Variants in GRIK1 observed in about 807,000 individuals in gnomAD.
GRIK1 encodes the protein glutamate receptor ionotropic, kainate 1.
A neutral mutation model predicts 105.7 loss-of-function variants in GRIK1; 69 were observed. The observed-to-expected ratio is 0.65, with a 90% CI of 0.54 to 0.80. The LOEUF (loss-of-function observed/expected upper bound fraction) is 0.80, where lower values mean the gene tolerates loss of function less well. Among genes scored for constraint, GRIK1 ranks in the 30% least tolerant of loss-of-function variants. The probability of loss-of-function intolerance (pLI) is 0.00; values close to 1 mark genes in which losing one functional copy is unlikely to be tolerated. For synonymous variants in GRIK1, 438 were observed against 431.3 expected (o/e 1.02, Z -0.19); for missense variants, 1,109 against 1,167.3 (o/e 0.95, Z 0.73).
In GRIK1 at chr21:29,589,030, C is replaced by T; in HGVS notation, c.1378G>A (p.Val460Ile). The T allele has an allele frequency of 6.3e-7, 1 of 1,580,426 alleles. No homozygotes were observed. Among genetic ancestry groups the T allele is most frequent in the Non-Finnish European group, 8.7e-7 (1 of 1,150,728 alleles). The change falls in exon 11 of 18, where the codon GTT (valine) becomes ATT (isoleucine). Residue 460 changes from valine (V) to isoleucine (I), a missense_variant. Coordinates refer to ENST00000327783, the MANE Select transcript of GRIK1 (RefSeq NM_001330994.2). The part of the protein sequence containing the change: ...IVTTILEEPY[V>I]MYRKSDKPLY... Reference sequence around the variant, plus strand: ...GGCTTATCAGATTTCCTGTACATAACATAGGGTTCTTCCTAAATGAAACAA... The same window carrying T: ...GGCTTATCAGATTTCCTGTACATAATATAGGGTTCTTCCTAAATGAAACAA...
intron 9 of GRIK1, chr21:29,596,245 T>C: frequency 1.9e-6 from 1 of 521,218 alleles, no homozygotes. Flanking sequence ...CTGCTTTCAA[T>C]CCTAACAAGG....
intron 1 of GRIK1, among the ~76,000 whole-genome samples, chr21:29,730,347 T>C (rs1016518119): frequency 1.3e-5 from 2 of 152,192 alleles, no homozygotes. Flanking sequence ...CAAAACAGGA[T>C]AAGCAGAGGA....
rs553470859 is a variant in GRIK1, at chr21:29,555,356, A to G, written c.2357-54T>C. ...CACCAAAATGTTGAAGAAGACATCC[A>G]GAAGTATTCTTAATTATCATCTTTG... On this transcript the variant is annotated intron_variant, in intron 15 of 17. Transcript: ENST00000327783. 23 of 1,493,170 alleles carry G rather than the reference A, an allele frequency of 1.5e-5. No homozygotes were observed. The South Asian group carries it at 1.8e-4, about 12-fold the overall frequency. 92.5% of individuals were successfully genotyped at this position (1,493,170 alleles called of 1,614,324 possible).
At chr21:29,757,788 AG>A (rs2065389039) in intron 1 of GRIK1, among the ~76,000 whole-genome samples, 2 of 152,206 alleles carry the variant, frequency 1.3e-5, no homozygotes, top group African/African-American at 4.8e-5. Context: ...TTGAATTTTT[AG>A]CAACATTCCT....
intron 7 of GRIK1, among the ~76,000 whole-genome samples, chr21:29,622,655 A>G (rs2062033253): frequency 6.6e-6 from 1 of 152,174 alleles, no homozygotes; most frequent in Non-Finnish European, 1.5e-5. Flanking sequence ...GCACATTTGG[A>G]TGAAAATTTA....
chr21:29,760,489 G>A (rs2065480034), intron 1 of GRIK1: 1 of 152,182 alleles, frequency 6.6e-6, no homozygotes, highest in Non-Finnish European at 1.5e-5. Context: ...GGGTAGGGAG[G>A]GAAATTGTTG....
At chr21:29,613,177 T>C (rs146421431) in intron 7 of GRIK1, among the ~76,000 whole-genome samples, 1 of 152,340 alleles carries the variant, frequency 6.6e-6, no homozygotes, top group East Asian at 1.9e-4. Context: ...CCAGTTCCCT[T>C]ATGATCTTGA....
chr21:29,595,340 G>GTTTTTTTTTTTTT (rs71191119), intron 9 of GRIK1, among the ~76,000 whole-genome samples: 2 of 136,976 alleles, frequency 1.5e-5, no homozygotes, highest in Non-Finnish European at 1.6e-5. Context: ...AGTGTAATAG[G>GTTTTTTTTTTTTT]TTTTTTTTTT....
At chr21:29,708,293 C>T (rs1201556954) in intron 1 of GRIK1, among the ~76,000 whole-genome samples, 1 of 152,170 alleles carries the variant, frequency 6.6e-6, no homozygotes, top group East Asian at 1.9e-4. Flanking sequence ...ACTTGTTCCT[C>T]CTGTCTTTTG....
intron 1 of GRIK1, among the ~76,000 whole-genome samples, chr21:29,837,164 T>C (rs1189887706): frequency 6.6e-6 from 1 of 152,202 alleles, no homozygotes; most frequent in Non-Finnish European, 1.5e-5. Flanking sequence ...ATTAATCTTT[T>C]CTGGTTTTCA....
At chr21:29,549,780 A>G (rs1434094197) in intron 16 of GRIK1, among the ~76,000 whole-genome samples, 7 of 152,150 alleles carry the variant, frequency 4.6e-5, no homozygotes, top group African/African-American at 7.2e-5. Context: ...CATGATGGCA[A>G]GAACTGGTTG....
rs770358317 is a variant in GRIK1, at chr21:29,561,648, C to T, written c.2332G>A (p.Gly778Ser). ...TQIGGLIDSK[G>S]YGVGTPIGSP... ...CCAATAGGTGTTCCCACTCCGTAAC[C>T]TTTGGAGTCAATGAGGCCCCCGATC... The change falls in exon 15 of 18, where the codon GGT becomes AGT. Residue 778 changes from glycine to serine, a missense_variant. This residue lies in a region of GRIK1 where 264 missense variants were observed against 306.9 expected (regional missense o/e 0.86). Coordinates refer to ENST00000327783, the MANE Select transcript of GRIK1 (RefSeq NM_001330994.2). 2 of 1,612,220 alleles carry T rather than the reference C, an allele frequency of 1.2e-6. No individual in the cohort carries two copies. Among genetic ancestry groups the T allele is most frequent in the South Asian group, 2.2e-5 (2 of 91,030 alleles).
intron 1 of GRIK1, among the ~76,000 whole-genome samples, chr21:29,723,977 A>G (rs949463555): frequency 3.9e-5 from 6 of 152,226 alleles, no homozygotes; most frequent in African/African-American, 1.2e-4. Context: ...CTTTCCATTC[A>G]TGAACCAATG....
At chr21:29,855,055 G>A (rs889668075) in intron 1 of GRIK1, among the ~76,000 whole-genome samples, 2 of 152,290 alleles carry the variant, frequency 1.3e-5, no homozygotes, top group African/African-American at 4.8e-5. Context: ...GCTGTTGAGG[G>A]CACTTTGGGC....
chr21:29,712,123 C>CACACACACACACACAT (rs1491324595), intron 1 of GRIK1, among the ~76,000 whole-genome samples: 1 of 147,032 alleles, frequency 6.8e-6, no homozygotes, highest in Non-Finnish European at 1.5e-5. Context: ...CACACACACA[C>CACACACACACACACAT]ATATATATAG....
chr21:29,881,290 G>T (rs2069398628), intron 1 of GRIK1, among the ~76,000 whole-genome samples: 1 of 152,010 alleles, frequency 6.6e-6, no homozygotes, highest in Non-Finnish European at 1.5e-5. Context: ...GTTCTAAAAT[G>T]CAGTTGGGTA....
At chr21:29,609,213 T>TCTTCCTGA (rs2061680097) in intron 7 of GRIK1, among the ~76,000 whole-genome samples, 1 of 151,994 alleles carries the variant, frequency 6.6e-6, no homozygotes, top group East Asian at 1.9e-4. Context: ...AGATTCATTC[T>TCTTCCTGA]CTTCCTGATC....
chr21:29,670,107 G>T (rs2063135307), intron 4 of GRIK1, among the ~76,000 whole-genome samples: 1 of 152,148 alleles, frequency 6.6e-6, no homozygotes, highest in Admixed American at 6.5e-5. Flanking sequence ...ATGCAATACG[G>T]TAGGAATTTC....
chr21:29,781,253 C>T (rs2066090624), intron 1 of GRIK1, among the ~76,000 whole-genome samples: 1 of 152,146 alleles, frequency 6.6e-6, no homozygotes, highest in African/African-American at 2.4e-5. Flanking sequence ...CATGCTCCTT[C>T]CTTTTTTCCT....
Sources: allele counts gnomAD v4.1 joint callset (sites outside exome capture counted in the v4.1 genomes callset), GRCh38; gene constraint gnomAD v4.1.1; regional missense constraint gnomAD v4.1.1; transcripts MANE v1.5; gene names NCBI Gene and HGNC (gene_info 2026-07-23, HGNC 2026-07-21).